Variants in BICRAL observed in about 807,000 individuals in gnomAD.
The protein encoded by BICRAL is BRD4-interacting chromatin-remodeling complex-associated protein-like.
BICRAL carries 8 observed loss-of-function variants against 91.8 expected under a neutral mutation model. The ratio of observed to expected loss-of-function variants is 0.09; its 90% CI spans 0.05 to 0.16. The LOEUF is 0.16. BICRAL is among the 10% of genes least tolerant of loss of function. The pLI is 1.00. For synonymous variants in BICRAL, 445 were observed against 491.1 expected, an observed-to-expected ratio of 0.91 and a Z score of 1.24; for missense variants, 1,038 against 1,310.9, an observed-to-expected ratio of 0.79 and a Z score of 3.21.
intron 1 of BICRAL, among the ~76,000 whole-genome samples, chr6:42,760,727 CA>C (rs1176144789): frequency 1.3e-5 from 2 of 152,022 alleles, no homozygotes; most frequent in Non-Finnish European, 1.5e-5. Flanking sequence ...ACTTTCTTGT[CA>C]AAAGGTACAT....
chr6:42,843,540 G>T (rs1764875360), intron 6 of BICRAL, among the ~76,000 whole-genome samples: 1 of 152,140 alleles, frequency 6.6e-6, no homozygotes, highest in South Asian at 2.1e-4. Context: ...AGACAACTAG[G>T]TTAGATAGAA....
At chr6:42,849,148 G>T (rs1380891498) in intron 6 of BICRAL, among the ~76,000 whole-genome samples, 2 of 152,122 alleles carry the variant, frequency 1.3e-5, no homozygotes, top group Non-Finnish European at 2.9e-5. Context: ...GAGTACAGTG[G>T]CTTCATCACT....
In BICRAL at chr6:42,822,827, G is replaced by A. The variant is rs760280458; in HGVS notation, c.73G>A (p.Gly25Arg). Residue 25 changes from glycine to arginine, a missense_variant, in exon 4 of 13, where the codon GGA becomes AGA. Gly to Arg is a moderately radical substitution (Grantham distance 125, BLOSUM62 -2). This residue lies in a region of BICRAL where 115 missense variants were observed against 121.5 expected (regional missense o/e 0.95). Transcript: ENST00000314073. Reference protein sequence around the residue: ...DPQALNYFLHGPSNKSSNDDL... With the variant: ...DPQALNYFLHRPSNKSSNDDL... The stretch of plus-strand genomic sequence containing the variant: ...ACAAGCATTGAACTATTTTCTACAT[G>A]GACCTAGTAATAAATCTGTAAGTAA... The A allele has an allele frequency of 3.1e-5, 48 of 1,572,846 alleles. No individual in the cohort carries two copies. The highest frequency in any genetic ancestry group is 2.4e-5 in the Non-Finnish European group (27 of 1,143,740).
At chr6:42,779,760 A>G (rs1232469654), upstream of BICRAL, among the ~76,000 whole-genome samples, 2 of 152,158 alleles carry the variant, frequency 1.3e-5, no homozygotes, top group Non-Finnish European at 2.9e-5. Flanking sequence ...AGCTGGGACT[A>G]CAGGTGCATG....
At chr6:42,843,800 C>CTTT (rs55723359) in intron 6 of BICRAL, among the ~76,000 whole-genome samples, 3 of 102,122 alleles carry the variant, frequency 2.9e-5, no homozygotes, top group Admixed American at 2.1e-4. Flanking sequence ...TAAATTTCTT[C>CTTT]TTTTTTTTTT....
intron 1 of BICRAL, among the ~76,000 whole-genome samples, chr6:42,791,562 G>A (rs1004385922): frequency 1.3e-5 from 2 of 152,140 alleles, no homozygotes; most frequent in Non-Finnish European, 2.9e-5. Flanking sequence ...GAAAATGAGG[G>A]GGAAAAGAAA....
At chr6:42,764,906 G>A (rs1410454433) in intron 1 of BICRAL, among the ~76,000 whole-genome samples, 1 of 152,136 alleles carries the variant, frequency 6.6e-6, no homozygotes, top group Non-Finnish European at 1.5e-5. Flanking sequence ...TGATCCACCC[G>A]CCTCAACCTC....
intron 1 of BICRAL, among the ~76,000 whole-genome samples, chr6:42,787,055 T>A (rs2113870145): frequency 6.6e-6 from 1 of 152,270 alleles, no homozygotes; most frequent in Non-Finnish European, 1.5e-5. Context: ...AGGAGGCTAT[T>A]GTAGTCAGCC....
At chr6:42,752,923 T>TC (rs1762402695) in intron 1 of BICRAL, among the ~76,000 whole-genome samples, 2 of 147,432 alleles carry the variant, frequency 1.4e-5, no homozygotes, top group South Asian at 4.3e-4. Flanking sequence ...TTTTTTTTTT[T>TC]TTTTTTTTTT....
chr6:42,824,994 C>T (rs946204989), intron 5 of BICRAL, among the ~76,000 whole-genome samples: 2 of 152,226 alleles, frequency 1.3e-5, no homozygotes, highest in Admixed American at 6.5e-5. Flanking sequence ...GGCGCAGTGG[C>T]TTACGCCTCT....
chr6:42,807,175 A>G (rs930892491), intron 1 of BICRAL, among the ~76,000 whole-genome samples: 12 of 151,350 alleles, frequency 7.9e-5, no homozygotes, highest in Non-Finnish European at 1.8e-4. Context: ...TATTATTATT[A>G]TTTATTTATG....
intron 12 of BICRAL, 77 bp from the exon 13 acceptor site, chr6:42,864,582 C>T (rs79462381): frequency 8.2e-7 from 1 of 1,221,352 alleles, no homozygotes; most frequent in Admixed American, 2.0e-5. Flanking sequence ...CCCTCAGCAC[C>T]TGACCCACTG....
At chr6:42,850,975 G>A (rs1350503879) in intron 6 of BICRAL, among the ~76,000 whole-genome samples, 1 of 152,128 alleles carries the variant, frequency 6.6e-6, no homozygotes, top group East Asian at 1.9e-4. Flanking sequence ...TGGATCACTT[G>A]AGGTCAGGAG....
intron 10 of BICRAL, among the ~76,000 whole-genome samples, chr6:42,858,235 G>C (rs1034384590): frequency 6.6e-5 from 10 of 151,750 alleles, no homozygotes; most frequent in African/African-American, 2.2e-4. Flanking sequence ...AGAGATAAAG[G>C]CTGAGCACAG....
intron 4 of BICRAL, 24 bp downstream of exon 4, chr6:42,822,868 A>G (rs913637432): frequency 2.6e-6 from 4 of 1,518,214 alleles, no homozygotes; most frequent in Admixed American, 1.7e-5. Flanking sequence ...AGAATACCAC[A>G]GACATCTATT....
rs1287549439 is a variant in BICRAL, at chr6:42,829,464, A to G, written c.1131A>G (p.Ala377=). 3.7e-6 allele frequency: 6 copies of G among 1,614,196 alleles called. No homozygotes were observed. In the Admixed American group the frequency reaches 1.0e-4, roughly 27 times the overall value. ...CAAGAAAGCCAGTCACCTCACAGGCAGTGAGCAGCACTGGGGGCAGTATTG... is the reference window on the plus strand; with the variant it reads ...CAAGAAAGCCAGTCACCTCACAGGCGGTGAGCAGCACTGGGGGCAGTATTG... ...QNTRKPVTSQ[A]VSSTGGSIVI... Residue 377 remains alanine (A), a synonymous_variant, in exon 6 of 13, where the codon GCA becomes GCG. Coordinates refer to ENST00000314073, the MANE Select transcript of BICRAL (RefSeq NM_001393499.1).
intron 12 of BICRAL, 48 bp downstream of exon 12, chr6:42,862,660 A>G (rs1398506501): frequency 2.7e-6 from 3 of 1,111,108 alleles, no homozygotes; most frequent in African/African-American, 1.5e-5. Context: ...GCCATGGTTC[A>G]GGGACCATGG....
At chr6:42,843,163 A>G (rs1227269032) in intron 6 of BICRAL, among the ~76,000 whole-genome samples, 19 of 129,654 alleles carry the variant, frequency 1.5e-4, no homozygotes, top group Admixed American at 1.3e-3. Flanking sequence ...GCAACACAGT[A>G]TTTTAAGCAT....
intron 1 of BICRAL, among the ~76,000 whole-genome samples, chr6:42,766,444 C>T (rs563354367): frequency 8.5e-5 from 13 of 152,276 alleles, no homozygotes; most frequent in East Asian, 7.7e-4. Flanking sequence ...CTCTGAAACA[C>T]GCAAACTGGC....
Sources: allele counts gnomAD v4.1 joint callset (sites outside exome capture counted in the v4.1 genomes callset), GRCh38; gene constraint gnomAD v4.1.1; regional missense constraint gnomAD v4.1.1; transcripts MANE v1.5; gene names NCBI Gene and HGNC (gene_info 2026-07-23, HGNC 2026-07-21).